Variants in SAMD5 observed in about 807,000 individuals in gnomAD.
SAMD5 encodes sterile alpha motif domain-containing protein 5.
SAMD5 carries 13 observed loss-of-function variants against 11.3 expected under a neutral mutation model. That is an observed-to-expected ratio of 1.15 (90% confidence interval 0.75 to 1.83). The LOEUF (loss-of-function observed/expected upper bound fraction) is 1.83. Among genes scored for constraint, SAMD5 ranks in the 40% most tolerant of loss-of-function variants. The probability of loss-of-function intolerance (pLI) is 0.00; values close to 1 mark genes in which losing one functional copy is unlikely to be tolerated. For synonymous variants in SAMD5, 129 were observed against 111.3 expected (o/e 1.16, Z -1.00); for missense variants, 255 against 239.1 (o/e 1.07, Z -0.44).
At chr6:147,544,601 A>G (rs1304064235) in intron 1 of SAMD5, among the ~76,000 whole-genome samples, 1 of 152,094 alleles carries the variant, frequency 6.6e-6, no homozygotes. Flanking sequence ...TAGTAAGGAG[A>G]TTCATTTATG....
intron 1 of SAMD5, among the ~76,000 whole-genome samples, chr6:147,599,449 C>T (rs1315130282): frequency 6.6e-6 from 1 of 152,128 alleles, no homozygotes; most frequent in African/African-American, 2.4e-5. Flanking sequence ...AGTACAAATT[C>T]TAATCTAATC....
intron 1 of SAMD5, among the ~76,000 whole-genome samples, chr6:147,702,874 CA>C (rs1179276927): frequency 6.6e-6 from 1 of 151,952 alleles, no homozygotes; most frequent in Non-Finnish European, 1.5e-5. Flanking sequence ...AGCTTACATA[CA>C]AATCTTTTCT....
At chr6:147,677,908 A>G (rs17199771) in intron 1 of SAMD5, among the ~76,000 whole-genome samples, 17,432 of 152,208 alleles carry the variant, frequency 0.11, 1,096 homozygotes, top group Middle Eastern at 0.15. Context: ...GTCATCTTAT[A>G]TTACCCTGAA....
At chr6:147,581,742 G>A (rs533082979) in intron 1 of SAMD5, among the ~76,000 whole-genome samples, 11 of 152,276 alleles carry the variant, frequency 7.2e-5, no homozygotes, top group African/African-American at 2.6e-4. Context: ...ACAAGGGTTC[G>A]AAGGATGGGT....
At chr6:147,689,207 A>G (rs1282127121) in intron 1 of SAMD5, among the ~76,000 whole-genome samples, 1 of 152,216 alleles carries the variant, frequency 6.6e-6, no homozygotes, top group Non-Finnish European at 1.5e-5. Flanking sequence ...CCCAGCATAA[A>G]GGTCACAGGC....
intron 1 of SAMD5, among the ~76,000 whole-genome samples, chr6:147,682,789 C>T (rs1260834390): frequency 6.7e-6 from 1 of 150,222 alleles, no homozygotes; most frequent in Non-Finnish European, 1.5e-5. Context: ...TATATTTTCT[C>T]ATCAGTTCTT....
At chr6:147,923,049 G>A in the SAMD5 span, among the ~76,000 whole-genome samples, 3 of 151,948 alleles carry the variant, frequency 2.0e-5, no homozygotes, top group African/African-American at 7.3e-5. Flanking sequence ...AAATCACAGA[G>A]TAACGATGAT....
the SAMD5 span, among the ~76,000 whole-genome samples, chr6:147,763,308 C>G: frequency 1.3e-3 from 203 of 151,866 alleles, 1 homozygote; most frequent in African/African-American, 4.6e-3. Context: ...TACAGGCATG[C>G]GCCACCATGC....
chr6:147,535,315 C>T (rs1398863303), intron 1 of SAMD5, among the ~76,000 whole-genome samples: 2 of 152,170 alleles, frequency 1.3e-5, no homozygotes, highest in East Asian at 1.9e-4. Flanking sequence ...AGTGTTACTA[C>T]AGTGTTTAAG....
At chr6:147,683,806 T>C (rs3861408) in intron 1 of SAMD5, among the ~76,000 whole-genome samples, 17,509 of 152,242 alleles carry the variant, frequency 0.12, 1,104 homozygotes, top group Middle Eastern at 0.16. Context: ...TGAAATAATT[T>C]TGACTTCATG....
At chr6:147,695,720 T>G in intron 1 of SAMD5, among the ~76,000 whole-genome samples, 1 of 152,112 alleles carries the variant, frequency 6.6e-6, no homozygotes, top group East Asian at 1.9e-4. Flanking sequence ...CCCAGGAAAT[T>G]TAAAGCTAGT....
At chr6:147,543,309 A>T (rs1250395611) in intron 1 of SAMD5, among the ~76,000 whole-genome samples, 1 of 152,240 alleles carries the variant, frequency 6.6e-6, no homozygotes, top group Non-Finnish European at 1.5e-5. Context: ...TTTGCAATTT[A>T]AAAACAGAGC....
chr6:147,595,003 C>G (rs1403869880), intron 1 of SAMD5, among the ~76,000 whole-genome samples: 1 of 152,172 alleles, frequency 6.6e-6, no homozygotes, highest in Admixed American at 6.5e-5. Flanking sequence ...GAAAATATAA[C>G]TTATCCTACT....
At chr6:147,546,367 T>C (rs1340525116) in intron 1 of SAMD5, among the ~76,000 whole-genome samples, 3 of 152,036 alleles carry the variant, frequency 2.0e-5, no homozygotes, top group African/African-American at 7.2e-5. Flanking sequence ...CCATCTCTAC[T>C]AAAAATACAA....
chr6:147,643,795 A>AAG (rs1554239610), intron 1 of SAMD5, among the ~76,000 whole-genome samples: 29 of 146,986 alleles, frequency 2.0e-4, no homozygotes, highest in Non-Finnish European at 3.2e-4. Context: ...GAAGGAAGGA[A>AAG]AGAGAGAGAG....
intron 1 of SAMD5, among the ~76,000 whole-genome samples, chr6:147,523,324 A>G (rs550651879): frequency 3.9e-4 from 60 of 152,348 alleles, no homozygotes; most frequent in African/African-American, 1.3e-3. Context: ...TTACATTTAA[A>G]CATTTATTGA....
the SAMD5 span, among the ~76,000 whole-genome samples, chr6:147,884,248 G>A: frequency 6.4e-4 from 98 of 152,158 alleles, 3 homozygotes; most frequent in South Asian, 0.013. Context: ...GAGGGCTGGC[G>A]CATTTAAACA....
At chr6:147,745,804 G>A in the SAMD5 span, among the ~76,000 whole-genome samples, 1 of 147,304 alleles carries the variant, frequency 6.8e-6, no homozygotes, top group Non-Finnish European at 1.5e-5. Context: ...TTTGAAACAG[G>A]ATTTCCCTCT....
At chr6:147,724,900 C>A (rs2128459549) in intron 1 of SAMD5, among the ~76,000 whole-genome samples, 1 of 151,580 alleles carries the variant, frequency 6.6e-6, no homozygotes, top group Non-Finnish European at 1.5e-5. Flanking sequence ...GACAAACATG[C>A]AGGTAGCTCT....
Sources: gnomAD v4.1 joint callset for allele counts (sites outside exome capture counted in the v4.1 genomes callset) on GRCh38, gnomAD v4.1.1 for gene constraint, MANE v1.5 for transcripts, NCBI Gene and HGNC (gene_info 2026-07-23, HGNC 2026-07-21) for gene names.